MBD5: variants seen among roughly 807,000 people sequenced by gnomAD.
MBD5 encodes the protein methyl-CpG binding domain protein 5, also known as methyl-CpG-binding domain protein 5.
Under a neutral mutation model 117.3 loss-of-function variants are expected in MBD5, and 13 were observed. The ratio of observed to expected loss-of-function variants is 0.11; its 90% confidence interval spans 0.07 to 0.18. The LOEUF is 0.18. Ranked by LOEUF, MBD5 falls within the 10% of genes least tolerant of loss-of-function variation. The pLI is 1.00. For missense variants in MBD5, 1,879 were observed against 2,093.8 expected (o/e 0.90, Z 2.00); for synonymous variants, 727 against 766.4 (o/e 0.95, Z 0.85).
intron 2 of MBD5, among the ~76,000 whole-genome samples, chr2:148,183,799 G>T (rs1463779932): frequency 3.3e-5 from 5 of 151,970 alleles, no homozygotes; most frequent in African/African-American, 1.2e-4. Flanking sequence ...GTCTTCTGAG[G>T]TCTTGTATGC....
intron 3 of MBD5, among the ~76,000 whole-genome samples, chr2:148,303,285 T>C (rs1701816313): frequency 6.6e-6 from 1 of 152,182 alleles, no homozygotes; most frequent in Admixed American, 6.5e-5. Context: ...AGAAAATCTT[T>C]CCAAGCATAC....
At chr2:148,057,110 C>T in intron 1 of MBD5, among the ~76,000 whole-genome samples, 1 of 151,614 alleles carries the variant, frequency 6.6e-6, no homozygotes, top group East Asian at 1.9e-4. Flanking sequence ...TCTCGAATAA[C>T]CCTGTAATAA....
At chr2:148,068,207 GAAAA>G (rs148363482) in intron 1 of MBD5, among the ~76,000 whole-genome samples, 1 of 151,896 alleles carries the variant, frequency 6.6e-6, no homozygotes, top group Non-Finnish European at 1.5e-5. Context: ...AAGAGGCCAG[GAAAA>G]AAAAGCTCCT....
chr2:148,173,791 G>A (rs1036484676), intron 1 of MBD5, among the ~76,000 whole-genome samples: 3 of 152,138 alleles, frequency 2.0e-5, no homozygotes, highest in African/African-American at 7.2e-5. Context: ...AATTGAAGAA[G>A]ACACAAATAA....
rs1416396093 is a variant in MBD5 at position 148,470,466 on chromosome 2, G to A, written c.2518+5G>A. 6.3e-7 allele frequency: 1 copy of A among 1,578,740 alleles called. No homozygotes were observed. Among genetic ancestry groups the A allele is most frequent in the Non-Finnish European group, 8.6e-7 (1 of 1,164,676 alleles). On this transcript the variant is annotated splice_donor_5th_base_variant and intron_variant, in intron 8 of 13. Transcript: ENST00000642680. ...ATCAAACAAGTTCTGAAGCAGGTAT[G>A]GTTTTATTAGAAAAAAGTACCCAAA...
rs1421415046 is a variant in MBD5, at chr2:148,321,987, A to G, written c.-679-20227A>G. 1.2e-4 allele frequency among the ~76,000 whole-genome samples: 18 copies of G among 152,302 alleles called. No individual in the cohort carries two copies. The East Asian group carries it at 3.5e-3, about 29-fold the overall frequency. ...TTTGGTTTTCTCATTCTCACTTTGC[A>G]TTTATTTCACTGATAGCACATCTAA... On this transcript the variant is annotated intron_variant, in intron 3 of 13. Coordinates refer to ENST00000642680, the MANE Select transcript of MBD5 (RefSeq NM_001378120.1).
At chr2:148,079,667 A>G (rs200118101) in intron 1 of MBD5, among the ~76,000 whole-genome samples, 1 of 151,276 alleles carries the variant, frequency 6.6e-6, no homozygotes, top group African/African-American at 2.4e-5. Flanking sequence ...GACCAGCCTG[A>G]CCAACATGGT....
At chr2:148,140,130 TCC>T (rs1697277369) in intron 1 of MBD5, among the ~76,000 whole-genome samples, 1 of 152,212 alleles carries the variant, frequency 6.6e-6, no homozygotes, top group South Asian at 2.1e-4. Context: ...ATTGGTAATG[TCC>T]TAGAACACAG....
At chr2:148,097,107 T>C (rs916278840) in intron 1 of MBD5, among the ~76,000 whole-genome samples, 9 of 152,186 alleles carry the variant, frequency 5.9e-5, no homozygotes, top group African/African-American at 1.9e-4. Flanking sequence ...CTGATATTTA[T>C]GATAAATTTA....
At chr2:148,436,225 T>C (rs752396843) in intron 4 of MBD5, among the ~76,000 whole-genome samples, 51 of 152,216 alleles carry the variant, frequency 3.4e-4, no homozygotes, top group Non-Finnish European at 5.3e-4. Flanking sequence ...TACTCCCTAA[T>C]ACAAGTTCTC....
At chr2:148,176,955 T>G (rs1048024331) in intron 1 of MBD5, among the ~76,000 whole-genome samples, 43 of 152,186 alleles carry the variant, frequency 2.8e-4, no homozygotes, top group African/African-American at 9.7e-4. Flanking sequence ...AAAATTTTCA[T>G]TATGGAATAT....
At chr2:148,314,378 T>TTA (rs1702108153) in intron 3 of MBD5, among the ~76,000 whole-genome samples, 2 of 67,594 alleles carry the variant, frequency 3.0e-5, no homozygotes, top group Non-Finnish European at 8.6e-5. Context: ...GTGTTATGGT[T>TTA]TTTTTTTTTT....
intron 3 of MBD5, among the ~76,000 whole-genome samples, chr2:148,313,145 G>A (rs762748133): frequency 6.6e-6 from 1 of 152,192 alleles, no homozygotes; most frequent in African/African-American, 2.4e-5. Flanking sequence ...ACCCATTTGA[G>A]GAGGCAGTCT....
chr2:148,212,490 C>T (rs1233360224), intron 2 of MBD5, among the ~76,000 whole-genome samples: 1 of 152,064 alleles, frequency 6.6e-6, no homozygotes, highest in Non-Finnish European at 1.5e-5. Flanking sequence ...ACTTAGAGTC[C>T]ATTCTTTTTG....
chr2:148,494,475 G>A (rs1402996570), intron 11 of MBD5, among the ~76,000 whole-genome samples: 1 of 151,962 alleles, frequency 6.6e-6, no homozygotes, highest in Non-Finnish European at 1.5e-5. Flanking sequence ...TCTTTCACAC[G>A]TAAAACAATA....
intron 3 of MBD5, among the ~76,000 whole-genome samples, chr2:148,255,294 G>A (rs1700559107): frequency 6.6e-6 from 1 of 152,190 alleles, no homozygotes. Context: ...GTTCCTTTGG[G>A]TGCTGTATCT....
chr2:148,430,840 G>A (rs1705962556), intron 4 of MBD5, among the ~76,000 whole-genome samples: 1 of 152,014 alleles, frequency 6.6e-6, no homozygotes, highest in Non-Finnish European at 1.5e-5. Flanking sequence ...TATTACTTTT[G>A]TAACAGCAAG....
intron 3 of MBD5, among the ~76,000 whole-genome samples, chr2:148,276,867 T>C (rs1452828588): frequency 1.3e-5 from 2 of 152,180 alleles, no homozygotes; most frequent in African/African-American, 2.4e-5. Flanking sequence ...AAAGAGCAGT[T>C]CTGCATGTTT....
intron 1 of MBD5, among the ~76,000 whole-genome samples, chr2:148,091,827 A>C (rs1044645368): frequency 6.6e-6 from 1 of 152,214 alleles, no homozygotes; most frequent in African/African-American, 2.4e-5. Flanking sequence ...ACCTAATTAA[A>C]CTAAAAAGTT....
Sources: gnomAD v4.1 joint callset for allele counts (sites outside exome capture counted in the v4.1 genomes callset) on GRCh38, gnomAD v4.1.1 for gene constraint, MANE v1.5 for transcripts, NCBI Gene and HGNC (gene_info 2026-07-23, HGNC 2026-07-21) for gene names.